Variants in PEX5L observed in about 807,000 individuals in gnomAD.
The protein encoded by PEX5L is PEX5-related protein.
PEX5L carries 30 observed loss-of-function variants against 84.0 expected under a neutral mutation model. The ratio of observed to expected loss-of-function variants is 0.36; its 90% confidence interval spans 0.27 to 0.48. PEX5L has a LOEUF of 0.48. Ranked by LOEUF, PEX5L falls within the 20% of genes least tolerant of loss-of-function variation. The pLI is 0.99. For synonymous variants in PEX5L, 270 were observed against 283.1 expected (o/e 0.95, Z 0.46); for missense variants, 533 against 754.6 (o/e 0.71, Z 3.44).
chr3:179,832,660 C>CTACCCACCAACCTACCTACT (rs1733573802), intron 8 of PEX5L, among the ~76,000 whole-genome samples: 2 of 151,842 alleles, frequency 1.3e-5, no homozygotes, highest in South Asian at 4.1e-4. Flanking sequence ...ACCTACCTAC[C>CTACCCACCAACCTACCTACT]TACCCACCAA....
At chr3:179,917,963 A>G (rs1767826002) in intron 2 of PEX5L, among the ~76,000 whole-genome samples, 1 of 152,120 alleles carries the variant, frequency 6.6e-6, no homozygotes. Flanking sequence ...CTGGCCTTGA[A>G]ACGTCTTTAT....
chr3:179,880,182 T>C (rs1577982507), intron 4 of PEX5L, 59 bp from the exon 5 acceptor site: 1 of 1,082,096 alleles, frequency 9.2e-7, no homozygotes, highest in Non-Finnish European at 1.3e-6. Flanking sequence ...TTATTTAAAA[T>C]AGGTTTCAGT....
intron 2 of PEX5L, among the ~76,000 whole-genome samples, chr3:179,901,588 A>G (rs1260352611): frequency 2.0e-5 from 3 of 152,226 alleles, no homozygotes; most frequent in African/African-American, 7.2e-5. Context: ...TTTTCAAGTA[A>G]TATTTCAAAA....
chr3:179,977,606 C>T (rs937790097), intron 1 of PEX5L, among the ~76,000 whole-genome samples: 2 of 152,134 alleles, frequency 1.3e-5, no homozygotes, highest in African/African-American at 2.4e-5. Flanking sequence ...ATAAATTTTT[C>T]CCAAAAGGCC....
chr3:179,970,795 T>G (rs1437867675), intron 2 of PEX5L, among the ~76,000 whole-genome samples: 1 of 152,176 alleles, frequency 6.6e-6, no homozygotes, highest in South Asian at 2.1e-4. Flanking sequence ...CTCTCTAATC[T>G]CTTAATCTAC....
intron 8 of PEX5L, among the ~76,000 whole-genome samples, chr3:179,848,080 T>C (rs1275046074): frequency 6.6e-6 from 1 of 151,996 alleles, no homozygotes; most frequent in African/African-American, 2.4e-5. Context: ...AAAAATAAAG[T>C]GTGTAACCTG....
At chr3:179,861,663 A>G (rs749880318) in intron 7 of PEX5L, among the ~76,000 whole-genome samples, 2 of 152,228 alleles carry the variant, frequency 1.3e-5, no homozygotes, top group Non-Finnish European at 2.9e-5. Flanking sequence ...CCTAACCCAG[A>G]CACCTGACAC....
At chr3:180,014,454 A>C (rs1340021773) in intron 1 of PEX5L, among the ~76,000 whole-genome samples, 1 of 150,562 alleles carries the variant, frequency 6.6e-6, no homozygotes, top group Non-Finnish European at 1.5e-5. Flanking sequence ...CCTGGGTGAC[A>C]GAGCGAGACT....
chr3:179,911,768 T>C (rs1263600498), intron 2 of PEX5L, among the ~76,000 whole-genome samples: 2 of 152,162 alleles, frequency 1.3e-5, no homozygotes, highest in East Asian at 1.9e-4. Context: ...TACCGTAAGA[T>C]TGCTAATGAA....
chr3:179,922,376 T>C (rs1311185169), intron 2 of PEX5L, among the ~76,000 whole-genome samples: 3 of 152,014 alleles, frequency 2.0e-5, no homozygotes, highest in African/African-American at 7.2e-5. Flanking sequence ...TTCCTTTATT[T>C]AAATGTGCCA....
chr3:179,947,308 A>G (rs1777835464), intron 2 of PEX5L, among the ~76,000 whole-genome samples: 1 of 152,094 alleles, frequency 6.6e-6, no homozygotes, highest in Admixed American at 6.5e-5. Flanking sequence ...AATAAAAATT[A>G]TATTTTTATT....
rs374428360 is a variant in PEX5L, at chr3:179,887,654, T to C, written c.310+19A>G. 7.5e-4 allele frequency: 1,092 copies of C among 1,453,564 alleles called. 1 individual carries two copies. The highest frequency in any genetic ancestry group is 1.0e-3 in the Non-Finnish European group (1,047 of 1,034,238). 90.0% of individuals were successfully genotyped at this position (1,453,564 alleles called of 1,614,324 possible). A position where few individuals can be genotyped will look rare whatever the true frequency, so the allele number is the denominator to read the frequency against. ...AAAATTAACTCTAGTTGAGGAACAG[T>C]TAAAAGTGAGAGAATTACCAGCTGT... On this transcript the variant is annotated intron_variant, in intron 4 of 14. Coordinates refer to ENST00000467460, the MANE Select transcript of PEX5L (RefSeq NM_016559.3).
rs542602522 is a variant in PEX5L at position 179,990,363 on chromosome 3, A to T, written c.22-18698T>A. 3.9e-5 allele frequency among the ~76,000 whole-genome samples: 6 copies of T among 152,050 alleles called. No individual in the cohort carries two copies. The South Asian group carries it at 1.0e-3, about 26-fold the overall frequency. On this transcript the variant is annotated intron_variant, in intron 1 of 14. Transcript: ENST00000467460. ...AAAGTAACATGAAATTCCTTTCATTAGCTCCTATTTCTCCTCACGGTATGT... is the reference window on the plus strand; with the variant it reads ...AAAGTAACATGAAATTCCTTTCATTTGCTCCTATTTCTCCTCACGGTATGT...
intron 4 of PEX5L, among the ~76,000 whole-genome samples, chr3:179,883,753 C>T (rs1754894458): frequency 6.6e-6 from 1 of 152,116 alleles, no homozygotes; most frequent in South Asian, 2.1e-4. Context: ...CATTGCACTC[C>T]AGCTTGGGCA....
intron 2 of PEX5L, among the ~76,000 whole-genome samples, chr3:179,920,372 A>G (rs1031695919): frequency 1.3e-5 from 2 of 152,176 alleles, no homozygotes; most frequent in Non-Finnish European, 2.9e-5. Context: ...TTGTAAAATC[A>G]AATTTGTGTG....
chr3:179,813,798 T>A (rs1260968838), intron 10 of PEX5L, among the ~76,000 whole-genome samples: 2 of 150,106 alleles, frequency 1.3e-5, no homozygotes, highest in Admixed American at 6.7e-5. Context: ...TGCCTCAGCC[T>A]CCCGAGTAGC....
At position 179,859,122 on chromosome 3, in the gene PEX5L, T is replaced by G. The variant is rs781560782; in HGVS notation, c.762A>C (p.Ala254=). ...RLTKEHRWGS[A]LLSRNHSLEE... is the part of the protein sequence containing the mutation. ...CTAAGGAGTGGTTTCTAGAAAGTAA[T>G]GCGCTTCCCCAGCGATGTTCTTTGG... The change falls in exon 8 of 15, where the codon GCA becomes GCC. Residue 254 remains alanine, a synonymous_variant. Transcript: ENST00000467460. The G allele has an allele frequency of 6.2e-7, 1 of 1,613,898 alleles. No individual in the cohort carries two copies. The highest frequency in any genetic ancestry group is 8.5e-7 in the Non-Finnish European group (1 of 1,179,882).
intron 2 of PEX5L, among the ~76,000 whole-genome samples, chr3:179,931,537 CT>C (rs992661403): frequency 3.3e-5 from 5 of 152,144 alleles, no homozygotes; most frequent in African/African-American, 1.2e-4. Context: ...TTCCCAAATA[CT>C]TTTTTTCAAG....
chr3:179,893,349 T>C (rs1345481704), intron 3 of PEX5L, among the ~76,000 whole-genome samples: 4 of 152,174 alleles, frequency 2.6e-5, no homozygotes, highest in African/African-American at 9.6e-5. Context: ...ATTAAACTAT[T>C]AAATAATCTA....
Sources: gnomAD v4.1 joint callset for allele counts (sites outside exome capture counted in the v4.1 genomes callset) on GRCh38, gnomAD v4.1.1 for gene constraint, MANE v1.5 for transcripts, NCBI Gene and HGNC (gene_info 2026-07-23, HGNC 2026-07-21) for gene names.